The following PRKN variants were observed in gnomAD, a reference collection of about 807,000 sequenced individuals.
PRKN encodes parkin RBR E3 ubiquitin protein ligase, also known as E3 ubiquitin-protein ligase parkin.
PRKN carries 56 observed loss-of-function variants against 59.5 expected under a neutral mutation model. That is an observed-to-expected ratio of 0.94 (90% CI 0.76 to 1.18). The LOEUF (loss-of-function observed/expected upper bound fraction) is 1.18. PRKN is among the 50% of genes most tolerant of loss of function. The pLI is 0.00. For missense variants in PRKN, 657 were observed against 596.4 expected (o/e 1.10, Z -1.06); for synonymous variants, 250 against 222.1 (o/e 1.13, Z -1.12).
In PRKN at chr6:162,727,717, C is replaced by G; in HGVS notation, c.-49G>C. 2 of 1,547,618 alleles carry G rather than the reference C, an allele frequency of 1.3e-6. No individual in the cohort carries two copies. The highest frequency in any genetic ancestry group is 8.7e-7 in the Non-Finnish European group (1 of 1,144,286). ...CGGGCCAGGAACAGGCCCATGCGCG[C>G]AGCGGCGCCAGCCGCGCCTCCCACC... On this transcript the variant is annotated 5_prime_UTR_variant, in exon 1 of 12. Coordinates refer to ENST00000366898, the MANE Select transcript of PRKN (RefSeq NM_004562.3).
At chr6:161,727,174 A>G (rs1416224949) in intron 7 of PRKN, among the ~76,000 whole-genome samples, 1 of 152,146 alleles carries the variant, frequency 6.6e-6, no homozygotes, top group Non-Finnish European at 1.5e-5. Flanking sequence ...TTTCTTCACA[A>G]TGGGAGTCCT....
rs191425686 is a variant in PRKN, at chr6:161,664,495, C to A, written c.872-95079G>T. 2.6e-5 allele frequency among the ~76,000 whole-genome samples: 4 copies of A among 152,040 alleles called. No individual in the cohort carries two copies. In the East Asian group the frequency reaches 7.8e-4, roughly 30 times the overall value. On this transcript the variant is annotated intron_variant, in intron 7 of 11. Coordinates refer to ENST00000366898, the MANE Select transcript of PRKN (RefSeq NM_004562.3). ...TTATAGTTACGGCAACTTCTTAGAA[C>A]CGGTATCCTTTAAAATACAGCCTAA...
rs150115680 is a variant in PRKN, at chr6:161,556,818, C to A, written c.934-7815G>T. The stretch of plus-strand genomic sequence containing the variant: ...GGGTTTATATAGAGTCCACCCTCAA[C>A]TGAGCTCAAAAGTGGAAAAATCACT... On this transcript the variant is annotated intron_variant, in intron 8 of 11. Coordinates refer to ENST00000366898, the MANE Select transcript of PRKN (RefSeq NM_004562.3). 2.6e-4 allele frequency among the ~76,000 whole-genome samples: 39 copies of A among 152,252 alleles called. No homozygotes were observed. The South Asian group carries it at 7.7e-3, about 30-fold the overall frequency.
rs577487052 is a variant in PRKN at position 161,578,864 on chromosome 6, G to T, written c.872-9448C>A. On this transcript the variant is annotated intron_variant, in intron 7 of 11. Transcript: ENST00000366898. This position sits in a 1 kb window ranked among gnomAD's most constrained non-coding sequence, Gnocchi z 4.2. ...AAACAACTTAAATATTTTGAATTGT[G>T]TGTATATTCTTGGCGCTTTGCCTTC... 2.5e-4 allele frequency among the ~76,000 whole-genome samples: 38 copies of T among 152,342 alleles called. No homozygotes were observed. Among genetic ancestry groups the T allele is most frequent in the African/African-American group, 8.7e-4 (36 of 41,590 alleles).
At chr6:161,449,732 G>A (rs1370494937) in intron 9 of PRKN, among the ~76,000 whole-genome samples, 4 of 152,108 alleles carry the variant, frequency 2.6e-5, no homozygotes, top group African/African-American at 9.7e-5. Context: ...CTGAGTCAGC[G>A]ACAGTGAGGC....
At position 162,415,399 on chromosome 6, in the gene PRKN, A is replaced by ATC. The variant is rs1788578448; in HGVS notation, c.171+27909_171+27910dup. Among the ~76,000 whole-genome samples the ATC allele has an allele frequency of 2.0e-5, 3 of 152,218 alleles. No individual in the cohort carries two copies. The South Asian group carries it at 6.2e-4, about 32-fold the overall frequency. On this transcript the variant is annotated intron_variant, in intron 2 of 11. Transcript: ENST00000366898. ...CAATAAAGGCAGCTGAAATTGCCAA[A>ATC]TCTTCAAAAGGTAGAAACAGATCGT...
Position 161,442,191 on chromosome 6 carries a change from A to G in PRKN, c.1084-55314T>C, listed in dbSNP as rs1444863723. Among the ~76,000 whole-genome samples the G allele has an allele frequency of 6.6e-6, 1 of 152,220 alleles. No homozygotes were observed. Among genetic ancestry groups the G allele is most frequent in the Non-Finnish European group, 1.5e-5 (1 of 68,036 alleles). Reference sequence around the variant, plus strand: ...GACCTTCTCAAAGTCTGTCAGAAAGATTTTTAATCATCTTTAAGTAAACTT... The same window carrying G: ...GACCTTCTCAAAGTCTGTCAGAAAGGTTTTTAATCATCTTTAAGTAAACTT... On this transcript the variant is annotated intron_variant, in intron 9 of 11. Coordinates refer to ENST00000366898, the MANE Select transcript of PRKN (RefSeq NM_004562.3). The surrounding 1 kb of genome is among the most constrained non-coding windows in gnomAD (Gnocchi z 4.6).
chr6:161,562,886 T>C lies in PRKN; in HGVS notation c.933+6469A>G, dbSNP rs187882571. Among the ~76,000 whole-genome samples the C allele has an allele frequency of 1.2e-4, 18 of 152,320 alleles. No homozygotes were observed. The East Asian group carries it at 3.5e-3, about 29-fold the overall frequency. On this transcript the variant is annotated intron_variant, in intron 8 of 11. Transcript: ENST00000366898. The surrounding 1 kb of genome is among the most constrained non-coding windows in gnomAD (Gnocchi z 4.3). ...AATTTGGATAATGCTAACCCCTTGCTTAAACCTTCAAGGATTTCCCACTAA... is the reference window on the plus strand; with the variant it reads ...AATTTGGATAATGCTAACCCCTTGCCTAAACCTTCAAGGATTTCCCACTAA...
intron 9 of PRKN, among the ~76,000 whole-genome samples, chr6:161,542,414 T>C (rs893742183): frequency 5.3e-5 from 8 of 152,216 alleles, no homozygotes; most frequent in South Asian, 2.1e-4. Context: ...TGCCAACTGA[T>C]AGATGCTTTC....
chr6:161,454,009 C>A lies in PRKN; in HGVS notation c.1084-67132G>T, dbSNP rs1163610691. 6.6e-6 allele frequency among the ~76,000 whole-genome samples: 1 copy of A among 151,914 alleles called. No individual in the cohort carries two copies. Reference sequence around the variant, plus strand: ...CTACAATATATAACAGAAGTGTTTTCTTGGTGTCTGCAATGCAAATTCTGA... The same window carrying A: ...CTACAATATATAACAGAAGTGTTTTATTGGTGTCTGCAATGCAAATTCTGA... On this transcript the variant is annotated intron_variant, in intron 9 of 11. Coordinates refer to ENST00000366898, the MANE Select transcript of PRKN (RefSeq NM_004562.3). This position sits in a 1 kb window ranked among gnomAD's most constrained non-coding sequence, Gnocchi z 4.6.
intron 7 of PRKN, among the ~76,000 whole-genome samples, chr6:161,716,615 G>A (rs191907487): frequency 2.6e-5 from 4 of 152,306 alleles, no homozygotes; most frequent in Middle Eastern, 3.4e-3. Flanking sequence ...GTCTCAAGAG[G>A]GGGGGAAAAG....
At chr6:162,229,203 C>G (rs1414721109) in intron 3 of PRKN, among the ~76,000 whole-genome samples, 3 of 152,178 alleles carry the variant, frequency 2.0e-5, no homozygotes, top group African/African-American at 7.2e-5. Context: ...CCTGATTGTT[C>G]TTCAACAAAA....
intron 9 of PRKN, among the ~76,000 whole-genome samples, chr6:161,403,287 T>C (rs893282460): frequency 6.6e-6 from 1 of 152,118 alleles, no homozygotes; most frequent in African/African-American, 2.4e-5. Flanking sequence ...TTTTAAAAAT[T>C]GCCTAACGAC....
chr6:161,873,793 T>C (rs1794445253), intron 6 of PRKN, among the ~76,000 whole-genome samples: 1 of 149,016 alleles, frequency 6.7e-6, no homozygotes, highest in East Asian at 1.9e-4. Flanking sequence ...TCCTCTAAGC[T>C]TTCAAAATTT....
At position 161,475,434 on chromosome 6, in the gene PRKN, T is replaced by C. The variant is rs964872400; in HGVS notation, c.1083+73420A>G. On this transcript the variant is annotated intron_variant, in intron 9 of 11. Transcript: ENST00000366898. This position sits in a 1 kb window ranked among gnomAD's most constrained non-coding sequence, Gnocchi z 5.3. ...TCAGCAAAAATGTTCTTTGCACTGG[T>C]ATTTCTTTAAACAATAAAGTTTTAC... Among the ~76,000 whole-genome samples, 1 of 152,244 alleles carries C rather than the reference T, an allele frequency of 6.6e-6. No homozygotes were observed. The highest frequency in any genetic ancestry group is 2.1e-4 in the South Asian group (1 of 4,834).
intron 3 of PRKN, among the ~76,000 whole-genome samples, chr6:162,261,523 T>G (rs1779886191): frequency 6.6e-6 from 1 of 152,166 alleles, no homozygotes; most frequent in Non-Finnish European, 1.5e-5. Flanking sequence ...GATATTTATA[T>G]TAATATATTA....
At chr6:162,686,669 T>C (rs1252096817) in intron 1 of PRKN, among the ~76,000 whole-genome samples, 2 of 152,210 alleles carry the variant, frequency 1.3e-5, no homozygotes, top group Non-Finnish European at 2.9e-5. Flanking sequence ...CCTACCACTT[T>C]GGGAAGTCAA....
At chr6:162,459,317 A>G (rs1329201355) in intron 1 of PRKN, among the ~76,000 whole-genome samples, 1 of 152,130 alleles carries the variant, frequency 6.6e-6, no homozygotes, top group Non-Finnish European at 1.5e-5. Flanking sequence ...GTTATAAATA[A>G]TATTTAAAAT....
intron 1 of PRKN, among the ~76,000 whole-genome samples, chr6:162,508,107 T>C (rs1793687786): frequency 6.6e-6 from 1 of 152,164 alleles, no homozygotes; most frequent in Non-Finnish European, 1.5e-5. Flanking sequence ...CTCAGAATCA[T>C]GGCAGGAGGC....
Sources: allele counts gnomAD v4.1 joint callset (sites outside exome capture counted in the v4.1 genomes callset), GRCh38; gene constraint gnomAD v4.1.1; non-coding constraint Gnocchi (gnomAD v3.1); transcripts MANE v1.5; gene names NCBI Gene and HGNC (gene_info 2026-07-23, HGNC 2026-07-21).